Variants in ATP2B2 observed in about 807,000 individuals in gnomAD.
ATP2B2 encodes ATPase plasma membrane Ca2+ transporting 2, also known as plasma membrane calcium-transporting ATPase 2.
A neutral mutation model predicts 120.0 loss-of-function variants in ATP2B2; 15 were observed. The observed-to-expected ratio is 0.12, with a 90% CI of 0.08 to 0.19. ATP2B2 has a LOEUF of 0.19. Among genes scored for constraint, ATP2B2 ranks in the 10% least tolerant of loss-of-function variants. The pLI, the probability that ATP2B2 is intolerant of heterozygous loss-of-function variation, is 1.00. For synonymous variants in ATP2B2, 694 were observed against 700.3 expected (o/e 0.99, Z 0.14); for missense variants, 1,045 against 1,719.8 (o/e 0.61, Z 6.94).
chr3:10,504,574 C>T (rs771781199), intron 1 of ATP2B2, among the ~76,000 whole-genome samples: 5 of 152,144 alleles, frequency 3.3e-5, no homozygotes, highest in Non-Finnish European at 7.4e-5. Context: ...CCCCCCAACC[C>T]CCAACCCCCA....
At chr3:10,553,255 G>A (rs1021190676) in intron 2 of ATP2B2, among the ~76,000 whole-genome samples, 4 of 152,212 alleles carry the variant, frequency 2.6e-5, no homozygotes, top group Admixed American at 1.3e-4. Context: ...GTGTTTAAGC[G>A]GTGTTCTTTC....
Position 10,388,434 on chromosome 3 carries a change from T to G in ATP2B2, c.782-32A>C. Reference sequence around the variant, plus strand: ...AAGGGGACAAAAGCCAAGTTACCATTGCATGGTTGAAGCCGTCTCCCCAAA... The same window carrying G: ...AAGGGGACAAAAGCCAAGTTACCATGGCATGGTTGAAGCCGTCTCCCCAAA... On this transcript the variant is annotated intron_variant, in intron 5 of 22. Coordinates refer to ENST00000360273, the MANE Select transcript of ATP2B2 (RefSeq NM_001001331.4). 1.9e-6 allele frequency: 3 copies of G among 1,614,008 alleles called. No homozygotes were observed. In the South Asian group the frequency reaches 3.3e-5, roughly 18 times the overall value.
chr3:10,474,431 C>A lies in ATP2B2; in HGVS notation c.-319-24569G>T, dbSNP rs553998365. ...GCAGCTTAAAGATGGTATTTAAAGC[C>A]ATGGGATGGGATGAGATCATCGAGG... On this transcript the variant is annotated intron_variant, in intron 1 of 22. Coordinates refer to ENST00000360273, the MANE Select transcript of ATP2B2 (RefSeq NM_001001331.4). Among the ~76,000 whole-genome samples the A allele has an allele frequency of 2.0e-3, 307 of 152,236 alleles. 1 individual carries two copies. The highest frequency in any genetic ancestry group is 6.8e-3 in the Middle Eastern group (2 of 294).
At chr3:10,617,666 C>T (rs1559489162) in intron 2 of ATP2B2, among the ~76,000 whole-genome samples, 2 of 152,236 alleles carry the variant, frequency 1.3e-5, no homozygotes, top group Non-Finnish European at 2.9e-5. Context: ...AAGGGCTTAG[C>T]CGTTATTCCA....
intron 1 of ATP2B2, among the ~76,000 whole-genome samples, chr3:10,633,113 A>T (rs2069915674): frequency 6.6e-6 from 1 of 152,228 alleles, no homozygotes; most frequent in South Asian, 2.1e-4. Context: ...CTGGGAGTGG[A>T]ATCCTTGCTC....
At chr3:10,580,963 C>T (rs772707634) in intron 2 of ATP2B2, among the ~76,000 whole-genome samples, 21 of 152,230 alleles carry the variant, frequency 1.4e-4, no homozygotes, top group Non-Finnish European at 1.8e-4. Context: ...TGGCCTCTTA[C>T]AGAAATTTGC....
At chr3:10,567,604 T>C (rs1465422429) in intron 2 of ATP2B2, among the ~76,000 whole-genome samples, 2 of 152,214 alleles carry the variant, frequency 1.3e-5, no homozygotes, top group Non-Finnish European at 2.9e-5. Context: ...ACAAGATCAT[T>C]GTGAAAATTT....
intron 1 of ATP2B2, among the ~76,000 whole-genome samples, chr3:10,622,689 C>T (rs1004250228): frequency 1.3e-5 from 2 of 152,218 alleles, no homozygotes; most frequent in Non-Finnish European, 2.9e-5. Context: ...GATCCTCTTA[C>T]AGTCAACCAG....
intron 22 of ATP2B2, among the ~76,000 whole-genome samples, chr3:10,333,311 GGTGGGGTGCGGTGGGGGTGAAGGAGTT>G (rs2060030281): frequency 6.6e-6 from 1 of 152,142 alleles, no homozygotes; most frequent in Non-Finnish European, 1.5e-5. Context: ...TCAGAAGGCT[GGTGGGGTGCGGTGGGGGTGAAGGAGTT>G]GTGGGGTAGT....
At position 10,340,099 on chromosome 3, in the gene ATP2B2, A is replaced by AG; in HGVS notation, c.3237+142_3237+143insC. On this transcript the variant is annotated intron_variant, in intron 21 of 22. Coordinates refer to ENST00000360273, the MANE Select transcript of ATP2B2 (RefSeq NM_001001331.4). This position sits in a 1 kb window ranked among gnomAD's most constrained non-coding sequence, Gnocchi z 5.0. ...GACGACCAGTATAGGACCTGGGACA[A>AG]ACCCCCTTGCTCAGATGTCCAGAGA... The AG allele has an allele frequency of 1.3e-6, 1 of 783,478 alleles. No individual in the cohort carries two copies. The highest frequency in any genetic ancestry group is 1.5e-5 in the South Asian group (1 of 68,586). 48.5% of individuals were successfully genotyped at this position (783,478 alleles called of 1,614,324 possible).
chr3:10,478,057 T>C (rs1159329068), intron 1 of ATP2B2, among the ~76,000 whole-genome samples: 6 of 152,226 alleles, frequency 3.9e-5, no homozygotes, highest in South Asian at 4.1e-4. Context: ...ATTTTCTGTT[T>C]TTTGGTGATA....
intron 1 of ATP2B2, among the ~76,000 whole-genome samples, chr3:10,680,190 C>T (rs554501692): frequency 1.3e-5 from 2 of 152,326 alleles, no homozygotes; most frequent in African/African-American, 2.4e-5. Flanking sequence ...TGTCCACCCA[C>T]CAGTTTGCTC....
chr3:10,501,763 C>T (rs1336037906), intron 1 of ATP2B2, among the ~76,000 whole-genome samples: 1 of 152,128 alleles, frequency 6.6e-6, no homozygotes, highest in African/African-American at 2.4e-5. Context: ...GGCTGGAGAC[C>T]TCAGTTTCCC....
In ATP2B2 at chr3:10,359,932, G is replaced by T; in HGVS notation, c.1851C>A (p.Asp617Glu). The change falls in exon 13 of 23, where the codon GAC becomes GAA. Residue 617 changes from aspartate (D) to glutamate (E), a missense_variant. Coordinates refer to ENST00000360273, the MANE Select transcript of ATP2B2 (RefSeq NM_001001331.4). ...CCTTGCTGTACATGCGGAAGCTCTCGTCGGGCAGCTTGATGACAGTGCTCA... is the reference window on the plus strand; with the variant it reads ...CCTTGCTGTACATGCGGAAGCTCTCTTCGGGCAGCTTGATGACAGTGCTCA... ...KSMSTVIKLP[D>E]ESFRMYSKGA... The T allele has an allele frequency of 6.2e-7, 1 of 1,614,214 alleles. No homozygotes were observed. Among genetic ancestry groups the T allele is most frequent in the Non-Finnish European group, 8.5e-7 (1 of 1,180,034 alleles).
chr3:10,335,589 C>T (rs115447858), intron 22 of ATP2B2, among the ~76,000 whole-genome samples: 1,947 of 152,292 alleles, frequency 0.013, 43 homozygotes, highest in African/African-American at 0.043. Flanking sequence ...GTCTGGTTGA[C>T]GTGACCCTCT....
chr3:10,540,736 G>A (rs2067420005), intron 2 of ATP2B2, among the ~76,000 whole-genome samples: 1 of 105,412 alleles, frequency 9.5e-6, no homozygotes, highest in Non-Finnish European at 1.8e-5. Flanking sequence ...GGGGGAGGGG[G>A]GAGGGATAGC....
intron 1 of ATP2B2, among the ~76,000 whole-genome samples, chr3:10,670,558 C>T (rs747246542): frequency 3.3e-5 from 5 of 151,988 alleles, no homozygotes; most frequent in Admixed American, 2.0e-4. Context: ...GCTGGGATTA[C>T]AGGCGCCCGC....
chr3:10,680,539 T>C (rs918302405), intron 1 of ATP2B2, among the ~76,000 whole-genome samples: 2 of 152,278 alleles, frequency 1.3e-5, no homozygotes, highest in Admixed American at 1.3e-4. Context: ...CGTGTCCTGA[T>C]GCCTTGGCAT....
chr3:10,548,579 C>T (rs2067600645), intron 2 of ATP2B2, among the ~76,000 whole-genome samples: 1 of 152,186 alleles, frequency 6.6e-6, no homozygotes, highest in Admixed American at 6.5e-5. Flanking sequence ...GCTGGGAAAA[C>T]CATGAGCTGT....
Sources: gnomAD v4.1 joint callset for allele counts (sites outside exome capture counted in the v4.1 genomes callset) on GRCh38, gnomAD v4.1.1 for gene constraint, Gnocchi (gnomAD v3.1) non-coding constraint, MANE v1.5 for transcripts, NCBI Gene and HGNC (gene_info 2026-07-23, HGNC 2026-07-21) for gene names.